The following KCNH5 variants were observed in gnomAD, a reference collection of about 807,000 sequenced individuals.
KCNH5 encodes voltage-gated delayed rectifier potassium channel KCNH5.
A neutral mutation model predicts 96.1 loss-of-function variants in KCNH5; 46 were observed. That is an observed-to-expected ratio of 0.48 (90% CI 0.38 to 0.61). KCNH5 has a LOEUF of 0.61. Ranked by LOEUF, KCNH5 falls within the 20% of genes least tolerant of loss-of-function variation. The pLI is 0.00. For synonymous variants in KCNH5, 439 were observed against 449.8 expected (o/e 0.98, Z 0.30); for missense variants, 907 against 1,225.8 (o/e 0.74, Z 3.88).
At chr14:62,776,916 T>A (rs1886109433) in intron 10 of KCNH5, among the ~76,000 whole-genome samples, 1 of 152,192 alleles carries the variant, frequency 6.6e-6, no homozygotes, top group African/African-American at 2.4e-5. Context: ...AGCCACTGGA[T>A]ACACATGTGT....
Position 62,911,900 on chromosome 14 carries a change from T to C in KCNH5, c.1369+38233A>G, listed in dbSNP as rs571224156. ...AAATATTTTAAAAATTAGCTGGGCG[T>C]GGTGGCAGGCACCTGTAATTGCAGC... On this transcript the variant is annotated intron_variant, in intron 7 of 10. Transcript: ENST00000322893. Among the ~76,000 whole-genome samples the C allele has an allele frequency of 6.8e-4, 104 of 151,826 alleles. 1 individual carries two copies. The highest frequency in any genetic ancestry group is 2.1e-3 in the African/African-American group (89 of 41,446).
chr14:62,777,635 A>G (rs1886124612), intron 10 of KCNH5, among the ~76,000 whole-genome samples: 1 of 152,216 alleles, frequency 6.6e-6, no homozygotes, highest in African/African-American at 2.4e-5. Flanking sequence ...CTAGAATTAT[A>G]AAAATTGACA....
intron 7 of KCNH5, among the ~76,000 whole-genome samples, chr14:62,943,212 A>G (rs1268850462): frequency 6.6e-6 from 1 of 152,184 alleles, no homozygotes. Context: ...GGATTAAACT[A>G]AAATACAGTT....
chr14:62,772,135 T>C (rs1427043333), intron 10 of KCNH5, among the ~76,000 whole-genome samples: 5 of 152,192 alleles, frequency 3.3e-5, no homozygotes, highest in African/African-American at 1.2e-4. Context: ...CTCTACCTGC[T>C]ACCAAACAAG....
chr14:63,006,437 A>G lies in KCNH5; in HGVS notation c.233T>C (p.Ile78Thr), dbSNP rs1432032060. The change falls in exon 3 of 11, where the codon ATT (isoleucine) becomes ACT (threonine). Residue 78 changes from isoleucine to threonine, a missense_variant. This residue lies in a region of KCNH5 where 370 missense variants were observed against 561.3 expected (regional missense o/e 0.66). Transcript: ENST00000322893. ...MYGELTDKKT[I>T]EKVRQTFDNY... ...GTCAAAAGTTTGCCTGACTTTCTCA[A>G]TGGTCTTCTTGTCAGTCAATTCCCC... is the stretch of plus-strand genomic sequence containing the variant. The G allele has an allele frequency of 1.1e-5, 17 of 1,612,594 alleles. No individual in the cohort carries two copies. The highest frequency in any genetic ancestry group is 1.7e-5 in the Admixed American group (1 of 59,984).
intron 7 of KCNH5, among the ~76,000 whole-genome samples, chr14:62,881,894 T>G (rs1000411216): frequency 3.9e-5 from 6 of 152,094 alleles, no homozygotes; most frequent in African/African-American, 1.4e-4. Flanking sequence ...CTAAAATAAC[T>G]TTGATGGTCC....
intron 10 of KCNH5, among the ~76,000 whole-genome samples, chr14:62,751,026 T>G: frequency 6.6e-6 from 1 of 152,056 alleles, no homozygotes; most frequent in East Asian, 1.9e-4. Context: ...CTAGGGTGCC[T>G]GTGGGTTTAG....
chr14:62,811,287 A>G (rs1159392207), intron 8 of KCNH5, among the ~76,000 whole-genome samples: 2 of 152,060 alleles, frequency 1.3e-5, no homozygotes, highest in African/African-American at 4.8e-5. Context: ...TTGCTTCCCC[A>G]CCAACTACAG....
intron 10 of KCNH5, among the ~76,000 whole-genome samples, chr14:62,721,914 T>C (rs1356911952): frequency 6.6e-6 from 1 of 152,212 alleles, no homozygotes; most frequent in Non-Finnish European, 1.5e-5. Context: ...TTAATTTCCT[T>C]ACCTGTTTCT....
At chr14:62,755,689 A>C (rs1885607005) in intron 10 of KCNH5, among the ~76,000 whole-genome samples, 1 of 152,214 alleles carries the variant, frequency 6.6e-6, no homozygotes, top group South Asian at 2.1e-4. Flanking sequence ...TCTGATGAAC[A>C]CTGATGTAAA....
At chr14:62,757,616 A>G (rs1881912350) in intron 10 of KCNH5, among the ~76,000 whole-genome samples, 1 of 152,116 alleles carries the variant, frequency 6.6e-6, no homozygotes, top group Admixed American at 6.5e-5. Flanking sequence ...TCAGCCAAAA[A>G]AAAAAAAACC....
rs1288682150 is a variant in KCNH5 at position 63,024,213 on chromosome 14, A to AAAAAAAAAAAAAAAAAAAAAAAAAATAT, written c.74-7260_74-7259insATATTTTTTTTTTTTTTTTTTTTTTTTT. On this transcript the variant is annotated intron_variant, in intron 1 of 10. Coordinates refer to ENST00000322893, the MANE Select transcript of KCNH5 (RefSeq NM_139318.5). Reference sequence around the variant, plus strand: ...AATAGAGTGAGACTCCATCTCAAAAAATATATATATATATATCTTGAGACA... The same window carrying AAAAAAAAAAAAAAAAAAAAAAAAAATAT: ...AATAGAGTGAGACTCCATCTCAAAAAAAAAAAAAAAAAAAAAAAAAAAAAATATATATATATATATATATCTTGAGACA... Among the ~76,000 whole-genome samples, 9 of 139,972 alleles carry AAAAAAAAAAAAAAAAAAAAAAAAAATAT rather than the reference A, an allele frequency of 6.4e-5. No homozygotes were observed. In the East Asian group the frequency reaches 1.7e-3, roughly 27 times the overall value. The allele number at this position is 139,972 out of a possible 152,430, so 91.8% of individuals were successfully genotyped here.
At chr14:62,739,447 T>A (rs551597551) in intron 10 of KCNH5, among the ~76,000 whole-genome samples, 1 of 152,308 alleles carries the variant, frequency 6.6e-6, no homozygotes, top group South Asian at 2.1e-4. Flanking sequence ...GCGAGAAATT[T>A]TTTTTTCTTT....
chr14:63,045,059 G>T, intron 1 of KCNH5, 55 bp downstream of exon 1: 3 of 1,341,578 alleles, frequency 2.2e-6, no homozygotes. Context: ...GGAGGATGGG[G>T]GGCGCGTGTG....
chr14:62,847,080 G>A lies in KCNH5; in HGVS notation c.1569+2573C>T, dbSNP rs539480124. On this transcript the variant is annotated intron_variant, in intron 8 of 10. Transcript: ENST00000322893. ...CTCCCAAAGTGCTGGGATTACAGGCGTGAGCCACCGCGCCCGGCCCTGTAT... is the reference window on the plus strand; with the variant it reads ...CTCCCAAAGTGCTGGGATTACAGGCATGAGCCACCGCGCCCGGCCCTGTAT... Among the ~76,000 whole-genome samples, 125 of 147,726 alleles carry A rather than the reference G, an allele frequency of 8.5e-4. 2 individuals are homozygous for A. The East Asian group carries it at 0.018, about 22-fold the overall frequency.
chr14:62,833,764 A>G (rs1184179821), intron 8 of KCNH5, among the ~76,000 whole-genome samples: 1 of 152,052 alleles, frequency 6.6e-6, no homozygotes, highest in Non-Finnish European at 1.5e-5. Context: ...TCCTAATAAC[A>G]TTCATTAAAT....
At chr14:62,760,154 C>T (rs925103167) in intron 10 of KCNH5, among the ~76,000 whole-genome samples, 2 of 152,186 alleles carry the variant, frequency 1.3e-5, no homozygotes, top group Admixed American at 1.3e-4. Context: ...CTGCTGTGTA[C>T]TATCACACTC....
chr14:62,925,624 C>T (rs1479798852), intron 7 of KCNH5, among the ~76,000 whole-genome samples: 1 of 152,014 alleles, frequency 6.6e-6, no homozygotes, highest in East Asian at 1.9e-4. Flanking sequence ...CATCTCAGCA[C>T]CCCTGGCACA....
At chr14:62,866,983 C>T (rs1229225909) in intron 7 of KCNH5, among the ~76,000 whole-genome samples, 1 of 152,124 alleles carries the variant, frequency 6.6e-6, no homozygotes, top group Non-Finnish European at 1.5e-5. Context: ...TAACAGTAAC[C>T]AACTTTTACT....
Sources: allele counts gnomAD v4.1 joint callset (sites outside exome capture counted in the v4.1 genomes callset), GRCh38; gene constraint gnomAD v4.1.1; regional missense constraint gnomAD v4.1.1; transcripts MANE v1.5; gene names NCBI Gene and HGNC (gene_info 2026-07-23, HGNC 2026-07-21).